NAA38: variants seen among roughly 807,000 people sequenced by gnomAD.
NAA38 encodes the protein N-alpha-acetyltransferase 38, NatC auxiliary subunit.
NAA38 carries 15 observed loss-of-function variants against 12.6 expected under a neutral mutation model. That is an observed-to-expected ratio of 1.19 (90% CI 0.79 to 1.83). The LOEUF (loss-of-function observed/expected upper bound fraction) is 1.83. Among genes scored for constraint, NAA38 ranks in the 40% most tolerant of loss-of-function variants. The probability of loss-of-function intolerance (pLI) is 0.00; values close to 1 mark genes in which losing one functional copy is unlikely to be tolerated. For synonymous variants in NAA38, 88 were observed against 69.9 expected (o/e 1.26, Z -1.29); for missense variants, 183 against 171.7 (o/e 1.07, Z -0.37).
rs1303486585 is a variant in NAA38 at position 7,857,556 on chromosome 17, T to A, written c.-93A>T. On this transcript the variant is annotated 5_prime_UTR_variant, in exon 1 of 3. It adds an upstream start codon to the 5' untranslated region. Coordinates refer to ENST00000575771, the MANE Select transcript of NAA38 (RefSeq NM_001320925.4). ...TCGCGAGCGCTCCCGACCTCTTTCCTTTCGCGAGATCCCCTCTCCTCCCCC... is the reference window on the plus strand; with the variant it reads ...TCGCGAGCGCTCCCGACCTCTTTCCATTCGCGAGATCCCCTCTCCTCCCCC... 1.3e-5 allele frequency: 19 copies of A among 1,421,946 alleles called. No homozygotes were observed. Among genetic ancestry groups the A allele is most frequent in the Non-Finnish European group, 1.6e-5 (17 of 1,091,360 alleles). 88.1% of individuals were successfully genotyped at this position (1,421,946 alleles called of 1,614,324 possible).
At chr17:7,874,644 G>C (rs1967141577) in intron 2 of NAA38, among the ~76,000 whole-genome samples, 1 of 150,820 alleles carries the variant, frequency 6.6e-6, no homozygotes, top group South Asian at 2.1e-4. Context: ...CCAGCACTTT[G>C]GGAGGCCAAG....
intron 2 of NAA38, among the ~76,000 whole-genome samples, chr17:7,871,694 G>A (rs991954316): frequency 6.6e-5 from 10 of 152,104 alleles, no homozygotes; most frequent in African/African-American, 1.9e-4. Context: ...TCACTCTGTC[G>A]CCCAGGCTGG....
chr17:7,857,698 T>C (rs2078840122), upstream of NAA38: 7 of 1,312,890 alleles, frequency 5.3e-6, no homozygotes, highest in African/African-American at 1.5e-5. Flanking sequence ...CCTTTACCTC[T>C]GGTTTCTTAC....
At chr17:7,875,046 A>G (rs539918868) in intron 2 of NAA38, among the ~76,000 whole-genome samples, 1 of 151,840 alleles carries the variant, frequency 6.6e-6, no homozygotes, top group Admixed American at 6.6e-5. Context: ...AAATTTTAAA[A>G]CTATCCGGTT....
intron 1 of NAA38, chr17:7,885,064 G>GCCGCCGCCA: frequency 1.0e-6 from 1 of 984,174 alleles, no homozygotes; most frequent in Non-Finnish European, 1.2e-6. Flanking sequence ...TGCCCCCGCC[G>GCCGCCGCCA]CCGCCGCCCC....
rs140686876 is a variant in NAA38 at position 7,870,868 on chromosome 17, G to A, written c.-65-4310C>T. On this transcript the variant is annotated intron_variant, in intron 2 of 4. Transcript: ENST00000576861. ...TGTCACTACACTCCAGCTTGGGGGC[G>A]ACAGAGCAAGACTCCACCTCAAAAA... Among the ~76,000 whole-genome samples, 517 of 147,458 alleles carry A rather than the reference G, an allele frequency of 3.5e-3. 1 individual carries two copies. The highest frequency in any genetic ancestry group is 5.3e-3 in the Non-Finnish European group (359 of 67,364).
chr17:7,866,199 G>A (rs1966971931), intron 3 of NAA38: 1 of 206,558 alleles, frequency 4.8e-6, no homozygotes, highest in Non-Finnish European at 9.3e-6. Flanking sequence ...CCATTCTCCT[G>A]CCTCAGCCTC....
intron 2 of NAA38, among the ~76,000 whole-genome samples, chr17:7,867,725 G>A (rs961950674): frequency 6.6e-6 from 1 of 152,244 alleles, no homozygotes; most frequent in Non-Finnish European, 1.5e-5. Context: ...GGAAATGAGG[G>A]AGAGAAAGTG....
chr17:7,859,072 G>C (rs2078861633), upstream of NAA38: 9 of 570,748 alleles, frequency 1.6e-5, no homozygotes, highest in Non-Finnish European at 2.5e-5. Flanking sequence ...TCTTAGTGAT[G>C]GTGGTCCTTC....
At chr17:7,864,922 GAAGCA>G (rs1391479393) in intron 3 of NAA38, 4 of 151,896 alleles carry the variant, frequency 2.6e-5, no homozygotes, top group Non-Finnish European at 5.9e-5. Context: ...TTATGTGCAT[GAAGCA>G]AAGTTTGTGT....
chr17:7,883,589 C>T (rs1173976927), intron 1 of NAA38, among the ~76,000 whole-genome samples: 2 of 152,042 alleles, frequency 1.3e-5, no homozygotes, highest in African/African-American at 2.4e-5. Flanking sequence ...AAAACTCAAT[C>T]ATCGTATCTA....
upstream of NAA38, chr17:7,862,445 A>G (rs996810366): frequency 6.6e-6 from 1 of 152,186 alleles, no homozygotes; most frequent in Non-Finnish European, 1.5e-5. Context: ...GTTATTCCAT[A>G]GAGGGTCTCT....
chr17:7,859,212 C>A (rs1266727015), upstream of NAA38: 2 of 618,558 alleles, frequency 3.2e-6, no homozygotes, highest in African/African-American at 1.8e-5. Context: ...CCATTAAGAT[C>A]TGTAGGACTT....
At chr17:7,858,774 C>G (rs763559285), upstream of NAA38, 6 of 1,584,064 alleles carry the variant, frequency 3.8e-6, 1 homozygote, top group South Asian at 2.3e-5. Flanking sequence ...TGCCAAGACC[C>G]GGAGCATCCG....
chr17:7,869,243 G>A lies in NAA38; in HGVS notation c.-65-2685C>T, dbSNP rs549504609. On this transcript the variant is annotated intron_variant, in intron 2 of 4. Coordinates refer to the NAA38 transcript ENST00000576861. ...ACACCATTTTACAGATGGAGGAGCTGAGACTTGAGGGATAAATAGCTTGCC... is the reference window on the plus strand; with the variant it reads ...ACACCATTTTACAGATGGAGGAGCTAAGACTTGAGGGATAAATAGCTTGCC... Among the ~76,000 whole-genome samples the A allele has an allele frequency of 8.5e-5, 13 of 152,324 alleles. No individual in the cohort carries two copies. The South Asian group carries it at 2.5e-3, about 29-fold the overall frequency.
chr17:7,865,832 AG>A (rs1254864984), intron 3 of NAA38: 2 of 152,166 alleles, frequency 1.3e-5, no homozygotes, highest in Admixed American at 6.5e-5. Context: ...GGTTGTGTGT[AG>A]GGGAGACAGG....
At chr17:7,857,769 T>C, upstream of NAA38, 1 of 1,269,874 alleles carries the variant, frequency 7.9e-7, no homozygotes, top group Non-Finnish European at 9.9e-7. Flanking sequence ...TCCTCCCTTG[T>C]TTTTCTGTCT....
intron 2 of NAA38, among the ~76,000 whole-genome samples, chr17:7,868,269 G>A (rs780710319): frequency 1.3e-5 from 2 of 152,198 alleles, no homozygotes; most frequent in African/African-American, 2.4e-5. Flanking sequence ...AGAGAGCACA[G>A]AAGAGAGGGG....
chr17:7,876,383 A>G (rs1384637307), intron 2 of NAA38, among the ~76,000 whole-genome samples: 5 of 151,842 alleles, frequency 3.3e-5, no homozygotes, highest in Non-Finnish European at 7.4e-5. Context: ...TCTGACCTCT[A>G]CTCTTCACTT....
Sources: gnomAD v4.1 joint callset for allele counts (sites outside exome capture counted in the v4.1 genomes callset) on GRCh38, gnomAD v4.1.1 for gene constraint, MANE v1.5 for transcripts, NCBI Gene and HGNC (gene_info 2026-07-23, HGNC 2026-07-21) for gene names.